The following MYCBP2 variants were observed in gnomAD, a reference collection of about 807,000 sequenced individuals.
MYCBP2 encodes the protein MYC binding protein 2.
Under a neutral mutation model 525.3 loss-of-function variants are expected in MYCBP2, and 120 were observed. That is an observed-to-expected ratio of 0.23 (90% CI 0.20 to 0.27). The LOEUF (loss-of-function observed/expected upper bound fraction) is 0.27. Ranked by LOEUF, MYCBP2 falls within the 10% of genes least tolerant of loss-of-function variation. The pLI is 1.00. For synonymous variants in MYCBP2, 1,894 were observed against 1,955.8 expected (o/e 0.97, Z 0.83); for missense variants, 4,149 against 5,657.1 (o/e 0.73, Z 8.55).
intron 43 of MYCBP2, 143 bp from the exon 44 acceptor site, chr13:77,162,098 T>G (rs984465138): frequency 5.7e-5 from 36 of 628,894 alleles, no homozygotes; most frequent in African/African-American, 5.2e-4. Context: ...CTGGAAAAAA[T>G]CCTAGTGGCA....
intron 14 of MYCBP2, among the ~76,000 whole-genome samples, chr13:77,252,132 A>G (rs2071317033): frequency 6.6e-6 from 1 of 152,138 alleles, no homozygotes; most frequent in Non-Finnish European, 1.5e-5. Context: ...GTGTTACAAT[A>G]CAATTCATTC....
chr13:77,302,008 T>G (rs1226431413), intron 1 of MYCBP2, among the ~76,000 whole-genome samples: 1 of 151,100 alleles, frequency 6.6e-6, no homozygotes, highest in East Asian at 1.9e-4. Context: ...AATAACAGAA[T>G]TCAATCACGG....
chr13:77,323,037 C>G (rs1567261233), intron 1 of MYCBP2, among the ~76,000 whole-genome samples: 1 of 152,152 alleles, frequency 6.6e-6, no homozygotes, highest in Non-Finnish European at 1.5e-5. Context: ...CAAAAACAAA[C>G]AGACAAAAAA....
At chr13:77,195,064 T>C (rs992985704) in intron 26 of MYCBP2, among the ~76,000 whole-genome samples, 14 of 152,068 alleles carry the variant, frequency 9.2e-5, no homozygotes, top group African/African-American at 3.4e-4. Context: ...TGGATAATTA[T>C]GGAAGGTGAA....
chr13:77,177,283 A>C (rs1326633571), intron 35 of MYCBP2, among the ~76,000 whole-genome samples: 1 of 151,586 alleles, frequency 6.6e-6, no homozygotes, highest in Non-Finnish European at 1.5e-5. Context: ...AGGTGGAAAG[A>C]TGGAACACAA....
intron 74 of MYCBP2, 98 bp from the exon 75 acceptor site, chr13:77,061,888 C>T (rs958425965): frequency 1.9e-5 from 23 of 1,231,662 alleles, no homozygotes; most frequent in East Asian, 5.5e-5. Context: ...AACCGTTATT[C>T]GGAAGTCTAT....
At chr13:77,201,797 G>C (rs1227628383) in intron 26 of MYCBP2, among the ~76,000 whole-genome samples, 2 of 151,984 alleles carry the variant, frequency 1.3e-5, no homozygotes, top group African/African-American at 4.8e-5. Context: ...ATGACTACTG[G>C]GTACACAATG....
At chr13:77,050,319 T>C (rs1164654375) in intron 82 of MYCBP2, among the ~76,000 whole-genome samples, 2 of 152,180 alleles carry the variant, frequency 1.3e-5, no homozygotes, top group Non-Finnish European at 2.9e-5. Flanking sequence ...TATGTACTTG[T>C]GCATGTATTT....
intron 55 of MYCBP2, among the ~76,000 whole-genome samples, chr13:77,119,901 A>G (rs1236850550): frequency 6.6e-6 from 1 of 152,168 alleles, no homozygotes; most frequent in Non-Finnish European, 1.5e-5. Context: ...GGTGCATGCT[A>G]TTTTTGAACG....
chr13:77,209,652 C>G (rs919848310), intron 23 of MYCBP2, among the ~76,000 whole-genome samples: 1 of 152,214 alleles, frequency 6.6e-6, no homozygotes, highest in Admixed American at 6.5e-5. Flanking sequence ...CAAAAGACCA[C>G]TCACCCATAG....
At chr13:77,189,490 CT>C (rs1438101104) in intron 29 of MYCBP2, among the ~76,000 whole-genome samples, 2 of 151,946 alleles carry the variant, frequency 1.3e-5, no homozygotes, top group African/African-American at 2.4e-5. Context: ...ACGAAAAAAC[CT>C]TTTGGGGAAA....
intron 23 of MYCBP2, among the ~76,000 whole-genome samples, chr13:77,210,375 G>T (rs1030689123): frequency 5.9e-5 from 9 of 151,890 alleles, no homozygotes; most frequent in Non-Finnish European, 8.8e-5. Context: ...CGTATTTTTA[G>T]TAGAGACAGG....
chr13:77,062,720 C>T (rs762756592), intron 73 of MYCBP2, 23 bp from the exon 74 acceptor site: 4 of 1,589,778 alleles, frequency 2.5e-6, no homozygotes, highest in East Asian at 2.2e-5. Context: ...AAGGCTGTTA[C>T]ACCACTGAAT....
At chr13:77,299,997 A>G (rs556915016) in intron 1 of MYCBP2, among the ~76,000 whole-genome samples, 20 of 152,344 alleles carry the variant, frequency 1.3e-4, no homozygotes, top group African/African-American at 4.3e-4. Flanking sequence ...AGTGATATAG[A>G]TCAATAGTTT....
chr13:77,045,750 C>T (rs555032645), intron 82 of MYCBP2, among the ~76,000 whole-genome samples: 7 of 152,230 alleles, frequency 4.6e-5, no homozygotes, highest in Admixed American at 1.3e-4. Flanking sequence ...AGGATCACTT[C>T]GAGCTACAGA....
At chr13:77,209,791 C>A (rs1279671647) in intron 23 of MYCBP2, among the ~76,000 whole-genome samples, 2 of 152,210 alleles carry the variant, frequency 1.3e-5, no homozygotes, top group Non-Finnish European at 2.9e-5. Context: ...AGCTGGCCAG[C>A]AACCTGGGAA....
At chr13:77,104,827 GGGA>G (rs1473671802) in intron 55 of MYCBP2, among the ~76,000 whole-genome samples, 2 of 152,096 alleles carry the variant, frequency 1.3e-5, no homozygotes, top group Non-Finnish European at 2.9e-5. Context: ...AAGAGACAAT[GGGA>G]GGAGTAGATA....
intron 40 of MYCBP2, among the ~76,000 whole-genome samples, chr13:77,167,651 AAT>A (rs1366811852): frequency 1.3e-5 from 2 of 152,234 alleles, no homozygotes; most frequent in Non-Finnish European, 2.9e-5. Flanking sequence ...TCAATGTGAT[AAT>A]ACTATGGTTA....
At chr13:77,091,087 T>C (rs1050924373) in intron 59 of MYCBP2, among the ~76,000 whole-genome samples, 2 of 152,154 alleles carry the variant, frequency 1.3e-5, no homozygotes, top group Non-Finnish European at 2.9e-5. Context: ...GTTTTTTCCA[T>C]CATTCAAGCC....
Sources: allele counts gnomAD v4.1 joint callset (sites outside exome capture counted in the v4.1 genomes callset), GRCh38; gene constraint gnomAD v4.1.1; transcripts MANE v1.5; gene names NCBI Gene and HGNC (gene_info 2026-07-23, HGNC 2026-07-21).